RBFOX1: variants seen among roughly 807,000 people sequenced by gnomAD.
RBFOX1 encodes the protein RNA binding protein fox-1 homolog 1.
Under a neutral mutation model 57.7 loss-of-function variants are expected in RBFOX1, and 8 were observed. The ratio of observed to expected loss-of-function variants is 0.14; its 90% CI spans 0.08 to 0.25. The LOEUF is 0.25. Among genes scored for constraint, RBFOX1 ranks in the 10% least tolerant of loss-of-function variants. RBFOX1 has a pLI of 1.00. For synonymous variants in RBFOX1, 326 were observed against 222.4 expected (o/e 1.47, Z -4.15); for missense variants, 611 against 548.5 (o/e 1.11, Z -1.14).
At chr16:7,399,571 T>G (rs1597450124) in intron 4 of RBFOX1, among the ~76,000 whole-genome samples, 1 of 152,230 alleles carries the variant, frequency 6.6e-6, no homozygotes, top group African/African-American at 2.4e-5. Context: ...TAGCCTCTGG[T>G]GGTGTCTGTC....
intron 3 of RBFOX1, among the ~76,000 whole-genome samples, chr16:6,681,752 A>ACATAAC (rs2058685410): frequency 6.6e-6 from 1 of 152,086 alleles, no homozygotes; most frequent in Admixed American, 6.5e-5. Flanking sequence ...TAATTAATAG[A>ACATAAC]CATAACCACT....
At chr16:6,599,132 G>A (rs2097815074) in intron 2 of RBFOX1, among the ~76,000 whole-genome samples, 1 of 152,096 alleles carries the variant, frequency 6.6e-6, no homozygotes, top group African/African-American at 2.4e-5. Context: ...CGGTCATTTG[G>A]CGTTATCCAT....
chr16:6,774,089 T>A (rs1195458845), intron 3 of RBFOX1: 1 of 812,212 alleles, frequency 1.2e-6, no homozygotes, highest in East Asian at 1.2e-4. Flanking sequence ...TAGCTTTAAA[T>A]TACCAAGAAT....
intron 3 of RBFOX1, among the ~76,000 whole-genome samples, chr16:6,736,735 A>C (rs1314650061): frequency 1.3e-5 from 2 of 152,210 alleles, no homozygotes; most frequent in African/African-American, 4.8e-5. Context: ...GAATCTCCAC[A>C]CTGGGAAAAC....
At chr16:7,693,871 T>C (rs1317879090) in intron 14 of RBFOX1, among the ~76,000 whole-genome samples, 2 of 152,218 alleles carry the variant, frequency 1.3e-5, no homozygotes, top group Non-Finnish European at 2.9e-5. Flanking sequence ...GGGATCTTCA[T>C]TCTATTAGCC....
chr16:6,535,207 C>A (rs988401859), intron 2 of RBFOX1, among the ~76,000 whole-genome samples: 1 of 152,156 alleles, frequency 6.6e-6, no homozygotes. Flanking sequence ...CTGGGAAAAT[C>A]CTCTGTTCTA....
intron 4 of RBFOX1, among the ~76,000 whole-genome samples, chr16:7,507,805 C>A (rs1047403022): frequency 1.3e-5 from 2 of 151,910 alleles, no homozygotes; most frequent in South Asian, 4.2e-4. Context: ...CGTCGTGATC[C>A]GCCCGCCTCG....
intron 2 of RBFOX1, among the ~76,000 whole-genome samples, chr16:5,584,818 C>T (rs995888348): frequency 2.0e-5 from 3 of 152,194 alleles, no homozygotes; most frequent in African/African-American, 7.2e-5. Flanking sequence ...ATTGCTGATA[C>T]AGACCCTATT....
chr16:5,251,158 C>T (rs570841086), intron 1 of RBFOX1, among the ~76,000 whole-genome samples: 1 of 152,364 alleles, frequency 6.6e-6, no homozygotes, highest in African/African-American at 2.4e-5. Flanking sequence ...GGGACTCTGG[C>T]TTCCGAGCTC....
rs561924328 is a variant in RBFOX1 at position 6,166,446 on chromosome 16, CTCTT to C, written c.-127+146458_-127+146461del. Among the ~76,000 whole-genome samples, 555 of 152,130 alleles carry C rather than the reference CTCTT, an allele frequency of 3.6e-3. 3 individuals carry two copies. The highest frequency in any genetic ancestry group is 5.3e-3 in the Non-Finnish European group (362 of 68,016). On this transcript the variant is annotated intron_variant, in intron 1 of 15. Transcript: ENST00000550418. ...AAAATAAGGTCATCAAGGTGTCTCTCTCTTTCTCTCTGACTCTCTATTTCTCTCT... is the reference window on the plus strand; with the variant it reads ...AAAATAAGGTCATCAAGGTGTCTCTCTCTCTCTGACTCTCTATTTCTCTCT...
chr16:6,161,441 C>G (rs1415104715), intron 1 of RBFOX1, among the ~76,000 whole-genome samples: 3 of 151,858 alleles, frequency 2.0e-5, no homozygotes, highest in African/African-American at 7.3e-5. Context: ...ATCTTACTCT[C>G]TCTCCATCCC....
At chr16:6,691,246 C>A (rs72636203) in intron 3 of RBFOX1, among the ~76,000 whole-genome samples, 1 of 152,100 alleles carries the variant, frequency 6.6e-6, no homozygotes, top group Non-Finnish European at 1.5e-5. Context: ...TAAAATTATT[C>A]CCGTGTCTAT....
chr16:7,673,980 A>T (rs1206471884), intron 13 of RBFOX1, among the ~76,000 whole-genome samples: 2 of 152,216 alleles, frequency 1.3e-5, no homozygotes, highest in African/African-American at 4.8e-5. Flanking sequence ...AACCTTGAAG[A>T]AGTTCTGGAT....
intron 1 of RBFOX1, among the ~76,000 whole-genome samples, chr16:6,237,760 A>G (rs944089112): frequency 6.6e-6 from 1 of 151,932 alleles, no homozygotes; most frequent in Non-Finnish European, 1.5e-5. Flanking sequence ...ACAAAATAAA[A>G]TTAAAATTAA....
chr16:7,646,937 G>A (rs1051080910), intron 11 of RBFOX1, among the ~76,000 whole-genome samples: 15 of 152,114 alleles, frequency 9.9e-5, no homozygotes, highest in Non-Finnish European at 1.5e-4. Flanking sequence ...ATTGGAGGTG[G>A]GAGGTGGGGG....
chr16:6,556,366 C>T (rs927290742), intron 2 of RBFOX1, among the ~76,000 whole-genome samples: 1 of 152,156 alleles, frequency 6.6e-6, no homozygotes, highest in African/African-American at 2.4e-5. Context: ...TCAAACTGTG[C>T]CGGCTCTCCT....
chr16:6,817,904 C>G (rs1603628468), intron 3 of RBFOX1, among the ~76,000 whole-genome samples: 1 of 152,110 alleles, frequency 6.6e-6, no homozygotes, highest in East Asian at 1.9e-4. Context: ...ATACCCTGTT[C>G]CTGGGCCATT....
intron 3 of RBFOX1, among the ~76,000 whole-genome samples, chr16:7,049,499 C>T (rs149413638): frequency 5.3e-4 from 80 of 152,262 alleles, no homozygotes; most frequent in Middle Eastern, 6.8e-3. Context: ...TTTCCCTATT[C>T]TCTTAGTGTT....
At chr16:5,302,417 T>C (rs552476819) in intron 1 of RBFOX1, among the ~76,000 whole-genome samples, 10 of 152,334 alleles carry the variant, frequency 6.6e-5, no homozygotes, top group African/African-American at 2.4e-4. Context: ...TCTGTAGTTT[T>C]TGGGTCTGTC....
Sources: gnomAD v4.1 joint callset for allele counts (sites outside exome capture counted in the v4.1 genomes callset) on GRCh38, gnomAD v4.1.1 for gene constraint, MANE v1.5 for transcripts, NCBI Gene and HGNC (gene_info 2026-07-23, HGNC 2026-07-21) for gene names.